SLC16A7: variants seen among roughly 807,000 people sequenced by gnomAD.
SLC16A7 encodes solute carrier family 16 member 7, also known as monocarboxylate transporter 2.
Under a neutral mutation model 34.9 loss-of-function variants are expected in SLC16A7, and 33 were observed. The ratio of observed to expected loss-of-function variants is 0.94; its 90% CI spans 0.72 to 1.26. The LOEUF (loss-of-function observed/expected upper bound fraction) is 1.26, where lower values mean the gene tolerates loss of function less well. Ranked by LOEUF, SLC16A7 falls within the 50% of genes most tolerant of loss-of-function variation. SLC16A7 has a pLI of 0.00. For synonymous variants in SLC16A7, 201 were observed against 206.6 expected, an observed-to-expected ratio of 0.97 and a Z score of 0.23; for missense variants, 573 against 578.1, an observed-to-expected ratio of 0.99 and a Z score of 0.09.
At chr12:59,747,982 C>T (rs1879076601) in intron 3 of SLC16A7, among the ~76,000 whole-genome samples, 1 of 152,178 alleles carries the variant, frequency 6.6e-6, no homozygotes, top group South Asian at 2.1e-4. Context: ...GAGGGCAGAT[C>T]ACCTGAGGTC....
At chr12:59,677,659 A>G (rs1313964953) in intron 2 of SLC16A7, among the ~76,000 whole-genome samples, 1 of 152,218 alleles carries the variant, frequency 6.6e-6, no homozygotes, top group Non-Finnish European at 1.5e-5. Flanking sequence ...GTAGAATCTA[A>G]TAGTTTGTTG....
chr12:59,676,400 C>T lies in SLC16A7; in HGVS notation c.-31+21150C>T, dbSNP rs376140815. On this transcript the variant is annotated intron_variant, in intron 2 of 5. Transcript: ENST00000547379. Reference sequence around the variant, plus strand: ...TTAGGATGCTGACATGGTTTCTGCTCTTTTCTCTTTTGATGTTAAGTAGCT... The same window carrying T: ...TTAGGATGCTGACATGGTTTCTGCTTTTTTCTCTTTTGATGTTAAGTAGCT... 5.3e-5 allele frequency among the ~76,000 whole-genome samples: 8 copies of T among 151,886 alleles called. 2 individuals carry two copies. The highest frequency in any genetic ancestry group is 1.9e-4 in the East Asian group (1 of 5,166).
chr12:59,608,010 G>A (rs1401174192), intron 1 of SLC16A7, among the ~76,000 whole-genome samples: 1 of 152,152 alleles, frequency 6.6e-6, no homozygotes, highest in African/African-American at 2.4e-5. Flanking sequence ...CTATCATGTG[G>A]CTTAATTCTT....
At chr12:59,670,295 T>G (rs1298314433) in intron 2 of SLC16A7, among the ~76,000 whole-genome samples, 1 of 152,170 alleles carries the variant, frequency 6.6e-6, no homozygotes, top group Non-Finnish European at 1.5e-5. Flanking sequence ...CTTAACTAAC[T>G]GCATCTGCGT....
intron 3 of SLC16A7, among the ~76,000 whole-genome samples, chr12:59,754,657 C>T (rs1880064381): frequency 6.6e-6 from 1 of 152,132 alleles, no homozygotes; most frequent in Admixed American, 6.5e-5. Flanking sequence ...GATGGATTCA[C>T]AGCCGAATTC....
At chr12:59,695,219 G>A (rs1161961694) in intron 2 of SLC16A7, among the ~76,000 whole-genome samples, 1 of 151,860 alleles carries the variant, frequency 6.6e-6, no homozygotes, top group Non-Finnish European at 1.5e-5. Flanking sequence ...CTGAGGCTTT[G>A]CCTTGAAGCC....
chr12:59,613,073 G>T (rs1386027474), intron 1 of SLC16A7, among the ~76,000 whole-genome samples: 1 of 152,212 alleles, frequency 6.6e-6, no homozygotes, highest in Non-Finnish European at 1.5e-5. Context: ...CTGCTATAAG[G>T]ACAGATTCTG....
chr12:59,706,089 C>A (rs1035543673), intron 3 of SLC16A7, among the ~76,000 whole-genome samples: 4 of 152,132 alleles, frequency 2.6e-5, no homozygotes, highest in Non-Finnish European at 1.5e-5. Context: ...CCAAGTCAAA[C>A]AACTTGTTAG....
At chr12:59,690,241 T>G (rs943834111) in intron 2 of SLC16A7, among the ~76,000 whole-genome samples, 3 of 151,882 alleles carry the variant, frequency 2.0e-5, no homozygotes, top group African/African-American at 7.2e-5. Context: ...GACATGAAAA[T>G]CATATTTAAA....
chr12:59,709,631 T>C (rs1200509510), intron 3 of SLC16A7, among the ~76,000 whole-genome samples: 1 of 151,650 alleles, frequency 6.6e-6, no homozygotes, highest in East Asian at 1.9e-4. Flanking sequence ...AGGTAGAGCT[T>C]TCATCTTAGA....
intron 2 of SLC16A7, among the ~76,000 whole-genome samples, chr12:59,674,422 A>C (rs1870137246): frequency 6.6e-6 from 1 of 152,196 alleles, no homozygotes; most frequent in Non-Finnish European, 1.5e-5. Context: ...TTCTCACAAA[A>C]CTTTGTTGAT....
At chr12:59,675,576 T>C (rs1048608199) in intron 2 of SLC16A7, among the ~76,000 whole-genome samples, 6 of 152,170 alleles carry the variant, frequency 3.9e-5, no homozygotes, top group Admixed American at 3.3e-4. Flanking sequence ...GCAGATCACA[T>C]GTTCAAGCCT....
chr12:59,754,654 T>G (rs1016763099), intron 3 of SLC16A7, among the ~76,000 whole-genome samples: 2 of 152,156 alleles, frequency 1.3e-5, no homozygotes, highest in African/African-American at 4.8e-5. Flanking sequence ...CCAGATGGAT[T>G]CACAGCCGAA....
At chr12:59,633,525 T>G (rs760877668) in intron 1 of SLC16A7, among the ~76,000 whole-genome samples, 24 of 152,012 alleles carry the variant, frequency 1.6e-4, no homozygotes, top group Non-Finnish European at 1.0e-4. Context: ...TTTGCCACAC[T>G]TACTACAAAA....
At chr12:59,632,639 T>G (rs890704164) in intron 1 of SLC16A7, among the ~76,000 whole-genome samples, 2 of 151,976 alleles carry the variant, frequency 1.3e-5, no homozygotes, top group African/African-American at 4.8e-5. Flanking sequence ...TAGAAGCCAG[T>G]GGCACACTCC....
intron 3 of SLC16A7, among the ~76,000 whole-genome samples, chr12:59,713,985 G>C (rs544498337): frequency 6.6e-6 from 1 of 152,310 alleles, no homozygotes; most frequent in Non-Finnish European, 1.5e-5. Flanking sequence ...ATAAATGTTA[G>C]TAAAGAGGCA....
intron 4 of SLC16A7, 52 bp downstream of exon 4, chr12:59,771,414 C>T: frequency 1.6e-6 from 2 of 1,259,614 alleles, no homozygotes; most frequent in Non-Finnish European, 2.1e-6. Context: ...ATTTTCAAAG[C>T]TCTATGAGAA....
chr12:59,611,796 C>T (rs1332817699), intron 1 of SLC16A7, among the ~76,000 whole-genome samples: 1 of 152,202 alleles, frequency 6.6e-6, no homozygotes, highest in Non-Finnish European at 1.5e-5. Flanking sequence ...AGTCTGGAAT[C>T]CAATAGTTCA....
rs1244813218 is a variant in SLC16A7 at position 59,782,183 on chromosome 12, A to C, written c.*2504A>C. 1 of 152,214 alleles carries C rather than the reference A, an allele frequency of 6.6e-6. No homozygotes were observed. Among genetic ancestry groups the C allele is most frequent in the African/African-American group, 2.4e-5 (1 of 41,460 alleles). The allele number at this position is 152,214 out of a possible 1,614,324, so 9.4% of individuals were successfully genotyped here. On this transcript the variant is annotated 3_prime_UTR_variant, in exon 6 of 6. Transcript: ENST00000547379. The stretch of plus-strand genomic sequence containing the variant: ...ACTGCACAGTTACAAATATGCACAC[A>C]CGTTAACTGCTATGCATAAATATTG...
Sources: allele counts gnomAD v4.1 joint callset (sites outside exome capture counted in the v4.1 genomes callset), GRCh38; gene constraint gnomAD v4.1.1; transcripts MANE v1.5; gene names NCBI Gene and HGNC (gene_info 2026-07-23, HGNC 2026-07-21).